Variants in DIP2A observed in about 807,000 individuals in gnomAD.
DIP2A encodes the protein disco-interacting protein 2 homolog A.
DIP2A carries 85 observed loss-of-function variants against 177.4 expected under a neutral mutation model. The observed-to-expected ratio is 0.48, with a 90% confidence interval of 0.40 to 0.57. The LOEUF (loss-of-function observed/expected upper bound fraction) is 0.57. DIP2A is among the 20% of genes least tolerant of loss of function. The pLI, the probability that DIP2A is intolerant of heterozygous loss-of-function variation, is 0.00. For missense variants in DIP2A, 1,791 were observed against 2,100.2 expected (o/e 0.85, Z 2.88); for synonymous variants, 886 against 881.8 (o/e 1.00, Z -0.08).
At chr21:46,562,675 C>T (rs1555915997) in intron 34 of DIP2A, among the ~76,000 whole-genome samples, 1 of 152,148 alleles carries the variant, frequency 6.6e-6, no homozygotes, top group Non-Finnish European at 1.5e-5. Flanking sequence ...GTGTGGGGAG[C>T]AGAAGGAGTG....
At chr21:46,558,161 GC>G in intron 31 of DIP2A, 61 bp from the exon 32 acceptor site, 1 of 1,517,492 alleles carries the variant, frequency 6.6e-7, no homozygotes. Flanking sequence ...CCAAAACAGT[GC>G]CCAGGGCCCT....
In DIP2A at chr21:46,459,111, C is replaced by T. The variant is rs2054035844; in HGVS notation, c.-21C>T. ...GCCCGGTCCGGTTCCAGCCTCTGCC[C>T]GGACGCTAGCCGGCCTGGCCATGGC... On this transcript the variant is annotated 5_prime_UTR_variant, in exon 1 of 38. Transcript: ENST00000417564. 13 of 1,473,230 alleles carry T rather than the reference C, an allele frequency of 8.8e-6. No individual in the cohort carries two copies. Among genetic ancestry groups the T allele is most frequent in the Admixed American group, 2.4e-5 (1 of 40,980 alleles). 91.3% of individuals were successfully genotyped at this position (1,473,230 alleles called of 1,614,324 possible). A position where few individuals can be genotyped will look rare whatever the true frequency, so the allele number is the denominator to read the frequency against.
chr21:46,528,273 A>T (rs1318395515), intron 8 of DIP2A, among the ~76,000 whole-genome samples: 2 of 152,166 alleles, frequency 1.3e-5, no homozygotes, highest in Non-Finnish European at 2.9e-5. Context: ...TAAAACAAAG[A>T]TATGACCCAT....
downstream of DIP2A, among the ~76,000 whole-genome samples, chr21:46,571,506 C>T (rs764911283): frequency 8.5e-5 from 13 of 152,172 alleles, no homozygotes; most frequent in South Asian, 2.1e-4. Flanking sequence ...GCCATTTTCA[C>T]GATATTGGTT....
chr21:46,557,058 G>C lies in DIP2A; in HGVS notation c.3618G>C (p.Trp1206Cys). The change falls in exon 30 of 38, where the codon TGG (tryptophan) becomes TGC (cysteine). Residue 1206 changes from tryptophan (W) to cysteine (C), a missense_variant. Trp to Cys is a radical substitution (Grantham distance 215, BLOSUM62 -2). Coordinates refer to ENST00000417564, the MANE Select transcript of DIP2A (RefSeq NM_015151.4). The surrounding 1 kb of genome is among the most constrained non-coding windows in gnomAD (Gnocchi z 6.0). ...ACTGTGGCCTTGGTTTTGCCCTGTG[G>C]TGTCTGTGCAGGTGAGTGCAGGGCC... ...DPYCGLGFAL[W>C]CLCSVYSGHQ... The C allele has an allele frequency of 6.2e-7, 1 of 1,607,498 alleles. No homozygotes were observed. The highest frequency in any genetic ancestry group is 8.5e-7 in the Non-Finnish European group (1 of 1,177,324).
chr21:46,511,754 C>A, intron 8 of DIP2A, 140 bp downstream of exon 8: 1 of 906,956 alleles, frequency 1.1e-6, no homozygotes, highest in Non-Finnish European at 1.6e-6. Context: ...TGACCTATAC[C>A]AGGTACCCAT....
the DIP2A span, among the ~76,000 whole-genome samples, chr21:46,582,628 G>A: frequency 2.6e-5 from 4 of 152,112 alleles, no homozygotes; most frequent in East Asian, 7.7e-4. Flanking sequence ...CTCTCCATGG[G>A]TTGTGCCAAC....
intron 1 of DIP2A, among the ~76,000 whole-genome samples, chr21:46,470,272 C>T (rs559084229): frequency 1.3e-5 from 2 of 152,104 alleles, no homozygotes; most frequent in South Asian, 2.1e-4. Flanking sequence ...GTTGGGAGTT[C>T]GAGACCAGCC....
chr21:46,478,103 C>T (rs1483261804), intron 1 of DIP2A, among the ~76,000 whole-genome samples: 1 of 152,086 alleles, frequency 6.6e-6, no homozygotes, highest in South Asian at 2.1e-4. Flanking sequence ...TAAAGTCTGC[C>T]CTTTTAATTT....
intron 1 of DIP2A, among the ~76,000 whole-genome samples, chr21:46,470,751 G>A (rs930232360): frequency 4.1e-5 from 6 of 147,472 alleles, no homozygotes; most frequent in Non-Finnish European, 8.9e-5. Flanking sequence ...ACGACAGAGT[G>A]AGACTCTGTC....
At chr21:46,477,298 A>G (rs2055936575) in intron 1 of DIP2A, among the ~76,000 whole-genome samples, 1 of 151,750 alleles carries the variant, frequency 6.6e-6, no homozygotes, top group African/African-American at 2.4e-5. Flanking sequence ...TAATCCCAGC[A>G]CTTTGGGAGG....
At chr21:46,544,168 T>C (rs1462103530) in intron 18 of DIP2A, among the ~76,000 whole-genome samples, 1 of 151,874 alleles carries the variant, frequency 6.6e-6, no homozygotes, top group African/African-American at 2.4e-5. Context: ...ATGAGATCCC[T>C]TGTGGGAGGC....
At position 46,563,893 on chromosome 21, in the gene DIP2A, C is replaced by T. The variant is rs201790767; in HGVS notation, c.4125C>T (p.Thr1375=). ...LPGVKVIIAH[T]ETKGPLGDSH... Reference sequence around the variant, plus strand: ...GCGTGAAGGTCATCATCGCACACACCGAGACCAAAGGACCCTTGGGAGACT... The same window carrying T: ...GCGTGAAGGTCATCATCGCACACACTGAGACCAAAGGACCCTTGGGAGACT... The change falls in exon 35 of 38, where the codon ACC becomes ACT. Residue 1375 remains threonine, a synonymous_variant. Coordinates refer to ENST00000417564, the MANE Select transcript of DIP2A (RefSeq NM_015151.4). The surrounding 1 kb of genome is among the most constrained non-coding windows in gnomAD (Gnocchi z 4.3). 213 of 1,613,754 alleles carry T rather than the reference C, an allele frequency of 1.3e-4. No individual in the cohort carries two copies. In the East Asian group the frequency reaches 1.8e-3, roughly 14 times the overall value.
chr21:46,533,428 A>C lies in DIP2A; in HGVS notation c.1306-96A>C, dbSNP rs1039360466. ...TGGAAGTTTTATGAGGGATGAAAAA[A>C]AGATCTGTTCTCTGTGCATGGCCTG... On this transcript the variant is annotated intron_variant, in intron 10 of 37. Transcript: ENST00000417564. 2.8e-6 allele frequency: 4 copies of C among 1,410,424 alleles called. No individual in the cohort carries two copies. In the African/African-American group the frequency reaches 5.8e-5, roughly 20 times the overall value. 87.4% of individuals were successfully genotyped at this position (1,410,424 alleles called of 1,614,324 possible).
intron 6 of DIP2A, among the ~76,000 whole-genome samples, chr21:46,508,138 A>G (rs758478047): frequency 5.3e-5 from 8 of 151,836 alleles, no homozygotes; most frequent in Admixed American, 1.3e-4. Context: ...GACTCAAGCA[A>G]TCCTTCCTTC....
chr21:46,576,736 C>T, the DIP2A span, among the ~76,000 whole-genome samples: 1 of 152,156 alleles, frequency 6.6e-6, no homozygotes, highest in South Asian at 2.1e-4. Context: ...TTTGCATTCC[C>T]ATCAACACTG....
intron 32 of DIP2A, among the ~76,000 whole-genome samples, chr21:46,559,321 T>C (rs2060587236): frequency 6.6e-6 from 1 of 152,200 alleles, no homozygotes; most frequent in African/African-American, 2.4e-5. Context: ...AGTACAAGAA[T>C]AGCTGGAAGG....
At chr21:46,554,475 C>T (rs7280382) in intron 26 of DIP2A, 100 bp from the exon 27 acceptor site, 6 of 1,546,284 alleles carry the variant, frequency 3.9e-6, no homozygotes, top group Admixed American at 1.9e-5. Flanking sequence ...CCCATGCCCC[C>T]CCAGCACCAC....
In DIP2A at chr21:46,498,090, C is replaced by T. The variant is rs965371009; in HGVS notation, c.404-492C>T. On this transcript the variant is annotated intron_variant, in intron 4 of 37. Coordinates refer to ENST00000417564, the MANE Select transcript of DIP2A (RefSeq NM_015151.4). The surrounding 1 kb of genome is among the most constrained non-coding windows in gnomAD (Gnocchi z 4.3). ...GAAAGGATGCATGTAGACAGGGCTG[C>T]GGTTCTCCCATGGCCACCATGTTGT... 1.3e-5 allele frequency among the ~76,000 whole-genome samples: 2 copies of T among 152,136 alleles called. No homozygotes were observed. The highest frequency in any genetic ancestry group is 6.5e-5 in the Admixed American group (1 of 15,268).
Sources: gnomAD v4.1 joint callset for allele counts (sites outside exome capture counted in the v4.1 genomes callset) on GRCh38, gnomAD v4.1.1 for gene constraint, Gnocchi (gnomAD v3.1) non-coding constraint, MANE v1.5 for transcripts, NCBI Gene and HGNC (gene_info 2026-07-23, HGNC 2026-07-21) for gene names.